NR2C2: variants seen among roughly 807,000 people sequenced by gnomAD.
The protein encoded by NR2C2 is Nuclear hormone receptor TR4.
In NR2C2, 6 loss-of-function variants were observed where a neutral mutation model predicts 62.9. That is an observed-to-expected ratio of 0.10 (90% CI 0.05 to 0.19). The LOEUF is 0.19. Among genes scored for constraint, NR2C2 ranks in the 10% least tolerant of loss-of-function variants. The pLI is 1.00. For synonymous variants in NR2C2, 272 were observed against 273.8 expected, an observed-to-expected ratio of 0.99 and a Z score of 0.07; for missense variants, 479 against 762.7, an observed-to-expected ratio of 0.63 and a Z score of 4.38.
chr3:15,001,621 C>T (rs1574986467), intron 1 of NR2C2, among the ~76,000 whole-genome samples: 1 of 152,034 alleles, frequency 6.6e-6, no homozygotes, highest in Non-Finnish European at 1.5e-5. Flanking sequence ...AGGTGTGAGC[C>T]ACTGTGCCTG....
intron 8 of NR2C2, among the ~76,000 whole-genome samples, chr3:15,029,130 A>C (rs2041901478): frequency 6.8e-6 from 1 of 146,396 alleles, no homozygotes; most frequent in Non-Finnish European, 1.5e-5. Flanking sequence ...TTTTTAATAG[A>C]GATGGAGTCT....
In NR2C2 at chr3:15,021,043, T is replaced by C. The variant is rs1175769089; in HGVS notation, c.556+111T>C. 1.2e-5 allele frequency: 12 copies of C among 1,041,306 alleles called. No homozygotes were observed. In the Admixed American group the frequency reaches 1.9e-4, roughly 16 times the overall value. 64.5% of individuals were successfully genotyped at this position (1,041,306 alleles called of 1,614,324 possible). The stretch of plus-strand genomic sequence containing the variant: ...CTTAAAATACTTTAAGAAAAAAATA[T>C]GCACTCAGGCTTCATTTTGGTTTAC... On this transcript the variant is annotated intron_variant, in intron 5 of 13. Coordinates refer to ENST00000425241, the MANE Select transcript of NR2C2 (RefSeq NM_001291694.2).
At chr3:15,034,040 C>T (rs1280457699) in intron 10 of NR2C2, among the ~76,000 whole-genome samples, 1 of 152,210 alleles carries the variant, frequency 6.6e-6, no homozygotes, top group Non-Finnish European at 1.5e-5. Flanking sequence ...GTTTCTCCGG[C>T]CTCCTGAAAT....
At chr3:14,989,905 CAA>C (rs2040618929) in intron 1 of NR2C2, among the ~76,000 whole-genome samples, 1 of 107,830 alleles carries the variant, frequency 9.3e-6, no homozygotes, top group South Asian at 3.1e-4. Context: ...GCCTGGGCGA[CAA>C]GAGCAAGACT....
intron 1 of NR2C2, among the ~76,000 whole-genome samples, chr3:14,980,297 T>G (rs189958300): frequency 6.6e-6 from 1 of 150,776 alleles, no homozygotes; most frequent in African/African-American, 2.4e-5. Flanking sequence ...ATTACAGGTG[T>G]GCACCATGAC....
chr3:15,032,118 TGAG>T (rs1356473754), intron 9 of NR2C2, among the ~76,000 whole-genome samples: 2 of 152,218 alleles, frequency 1.3e-5, no homozygotes, highest in African/African-American at 2.4e-5. Context: ...AGGCAAGACT[TGAG>T]GAGTATGTTT....
chr3:14,954,562 A>G (rs1273682396), intron 1 of NR2C2, among the ~76,000 whole-genome samples: 2 of 152,216 alleles, frequency 1.3e-5, no homozygotes, highest in Non-Finnish European at 2.9e-5. Flanking sequence ...AAATGGATTC[A>G]CTTCTCATGG....
chr3:14,960,304 C>T (rs1482463926), intron 1 of NR2C2, among the ~76,000 whole-genome samples: 1 of 152,104 alleles, frequency 6.6e-6, no homozygotes, highest in Non-Finnish European at 1.5e-5. Flanking sequence ...AATTAATGTC[C>T]AGAATACTTA....
At chr3:14,965,921 A>C (rs1433121214) in intron 1 of NR2C2, among the ~76,000 whole-genome samples, 1 of 152,136 alleles carries the variant, frequency 6.6e-6, no homozygotes, top group African/African-American at 2.4e-5. Flanking sequence ...TGCCTGCCTC[A>C]GCCTCCCAAA....
chr3:14,966,648 T>C (rs1015196487), intron 1 of NR2C2, among the ~76,000 whole-genome samples: 5 of 152,228 alleles, frequency 3.3e-5, no homozygotes, highest in Admixed American at 3.3e-4. Context: ...CTTCATGAAA[T>C]ACAGCAACAT....
rs2042380215 is a variant in NR2C2 at position 15,044,434 on chromosome 3, G to C, written c.*1426G>C. The C allele has an allele frequency of 6.6e-6, 1 of 152,114 alleles. No individual in the cohort carries two copies. Among genetic ancestry groups the C allele is most frequent in the African/African-American group, 2.4e-5 (1 of 41,402 alleles). 9.4% of individuals were successfully genotyped at this position (152,114 alleles called of 1,614,324 possible). On this transcript the variant is annotated 3_prime_UTR_variant, in exon 14 of 14. Transcript: ENST00000425241. ...TTCTCCTCATAAATTGTAGCAACCA[G>C]AGTTTACAGCAAGAACAGTATGCGC...
chr3:14,985,910 A>G (rs915698750), intron 1 of NR2C2, among the ~76,000 whole-genome samples: 1 of 152,168 alleles, frequency 6.6e-6, no homozygotes, highest in African/African-American at 2.4e-5. Context: ...ATTAAAAGCT[A>G]TCTGGGTCAA....
chr3:14,964,346 A>G (rs1357799181), intron 1 of NR2C2, among the ~76,000 whole-genome samples: 1 of 152,202 alleles, frequency 6.6e-6, no homozygotes, highest in Non-Finnish European at 1.5e-5. Context: ...GTGGTGAATT[A>G]TATTAAGGAA....
At position 15,040,200 on chromosome 3, in the gene NR2C2, G is replaced by A. The variant is rs6779587; in HGVS notation, c.1616+973G>A. Among the ~76,000 whole-genome samples the A allele has an allele frequency of 2.8e-4, 42 of 151,840 alleles. 4 individuals carry two copies. The highest frequency in any genetic ancestry group is 2.1e-3 in the South Asian group (10 of 4,806). On this transcript the variant is annotated intron_variant, in intron 13 of 13. Transcript: ENST00000425241. Reference sequence around the variant, plus strand: ...AAACAACAAAAAAAAACCCTTTCTCGTGCAGCTTTAGGCAGGAAAATTGTT... The same window carrying A: ...AAACAACAAAAAAAAACCCTTTCTCATGCAGCTTTAGGCAGGAAAATTGTT...
At chr3:14,973,417 A>G in intron 1 of NR2C2, among the ~76,000 whole-genome samples, 1 of 152,146 alleles carries the variant, frequency 6.6e-6, no homozygotes, top group East Asian at 1.9e-4. Context: ...AATTTTTTTT[A>G]AAGACAGGGT....
At chr3:14,984,577 CT>C (rs2040463903) in intron 1 of NR2C2, among the ~76,000 whole-genome samples, 1 of 152,076 alleles carries the variant, frequency 6.6e-6, no homozygotes, top group Non-Finnish European at 1.5e-5. Flanking sequence ...TTTTGTCTTG[CT>C]TCTTTCATTT....
chr3:14,986,565 A>G (rs933356158), intron 1 of NR2C2, among the ~76,000 whole-genome samples: 7 of 152,208 alleles, frequency 4.6e-5, no homozygotes, highest in Admixed American at 1.3e-4. Context: ...TTCTTACGGT[A>G]TGTCTTGCCA....
chr3:14,978,417 C>T lies in NR2C2; in HGVS notation c.-39-25459C>T, dbSNP rs138130799. ...TCATGTAGCATGCTAGTATTAAATACTGTTCTGAAAGTCAAAAACAGAATG... is the reference window on the plus strand; with the variant it reads ...TCATGTAGCATGCTAGTATTAAATATTGTTCTGAAAGTCAAAAACAGAATG... On this transcript the variant is annotated intron_variant, in intron 1 of 13. Transcript: ENST00000425241. 1.7e-3 allele frequency among the ~76,000 whole-genome samples: 257 copies of T among 152,296 alleles called. 3 individuals carry two copies. The highest frequency in any genetic ancestry group is 1.2e-3 in the Non-Finnish European group (85 of 68,020).
intron 1 of NR2C2, among the ~76,000 whole-genome samples, 154 bp from the exon 2 acceptor site, chr3:15,003,722 T>C (rs1473221250): frequency 6.6e-6 from 1 of 152,204 alleles, no homozygotes; most frequent in Non-Finnish European, 1.5e-5. Flanking sequence ...CAACATCTCA[T>C]TGATTGCTTT....
Sources: allele counts gnomAD v4.1 joint callset (sites outside exome capture counted in the v4.1 genomes callset), GRCh38; gene constraint gnomAD v4.1.1; transcripts MANE v1.5; gene names NCBI Gene and HGNC (gene_info 2026-07-23, HGNC 2026-07-21).